Variants in DYM observed in about 807,000 individuals in gnomAD.
The protein encoded by DYM is dymeclin.
In DYM, 78 loss-of-function variants were observed where a neutral mutation model predicts 93.1. The ratio of observed to expected loss-of-function variants is 0.84; its 90% CI spans 0.70 to 1.01. The LOEUF (loss-of-function observed/expected upper bound fraction) is 1.01, where lower values mean the gene tolerates loss of function less well. Ranked by LOEUF, DYM falls within the 50% of genes least tolerant of loss-of-function variation. The pLI, the probability that DYM is intolerant of heterozygous loss-of-function variation, is 0.00. For missense variants in DYM, 789 were observed against 845.0 expected, an observed-to-expected ratio of 0.93 and a Z score of 0.82; for synonymous variants, 321 against 319.7, an observed-to-expected ratio of 1.00 and a Z score of -0.04.
At chr18:49,074,298 G>A (rs961533759) in intron 17 of DYM, among the ~76,000 whole-genome samples, 2 of 152,198 alleles carry the variant, frequency 1.3e-5, no homozygotes, top group South Asian at 2.1e-4. Context: ...TACTTATATG[G>A]CATTTACATT....
At chr18:49,163,338 AATTT>A (rs781668190) in intron 15 of DYM, among the ~76,000 whole-genome samples, 2 of 152,046 alleles carry the variant, frequency 1.3e-5, no homozygotes, top group Non-Finnish European at 2.9e-5. Flanking sequence ...ACAATGAAAT[AATTT>A]ATTTATTTAT....
intron 2 of DYM, among the ~76,000 whole-genome samples, chr18:49,425,989 G>A (rs544179337): frequency 1.3e-4 from 20 of 152,116 alleles, no homozygotes; most frequent in South Asian, 8.3e-4. Flanking sequence ...TCAGTGTGGC[G>A]ATTCCTCAGG....
intron 14 of DYM, among the ~76,000 whole-genome samples, chr18:49,202,146 T>C (rs2092042663): frequency 6.6e-6 from 1 of 152,246 alleles, no homozygotes; most frequent in South Asian, 2.1e-4. Context: ...TGACAAACTT[T>C]TGGCCAAAGG....
intron 1 of DYM, among the ~76,000 whole-genome samples, chr18:49,456,652 T>G (rs1325448200): frequency 6.6e-6 from 1 of 152,166 alleles, no homozygotes; most frequent in Non-Finnish European, 1.5e-5. Flanking sequence ...CTAACCAAAC[T>G]TCCTTAAGAA....
At position 49,189,867 on chromosome 18, in the gene DYM, T is replaced by C. The variant is rs193040355; in HGVS notation, c.1625+19684A>G. Among the ~76,000 whole-genome samples the C allele has an allele frequency of 1.2e-4, 18 of 152,332 alleles. No individual in the cohort carries two copies. In the East Asian group the frequency reaches 3.5e-3, roughly 29 times the overall value. On this transcript the variant is annotated intron_variant, in intron 14 of 17. Transcript: ENST00000675505. ...TGCAATAGTCACATCAACTGTTACA[T>C]AAAATTTGGCAGTCTGCATACCTCT...
intron 15 of DYM, among the ~76,000 whole-genome samples, chr18:49,132,674 A>T (rs1053891365): frequency 6.6e-6 from 1 of 152,182 alleles, no homozygotes; most frequent in Non-Finnish European, 1.5e-5. Flanking sequence ...AAATAAAAAC[A>T]AAAACCGTCA....
At chr18:49,138,742 G>C (rs1042360862) in intron 15 of DYM, among the ~76,000 whole-genome samples, 1 of 152,158 alleles carries the variant, frequency 6.6e-6, no homozygotes, top group Non-Finnish European at 1.5e-5. Context: ...GGGGAGAACT[G>C]AAAATTGTGA....
In DYM at chr18:49,286,431, A is replaced by G. The variant is rs1180954017; in HGVS notation, c.946+3T>C. The G allele has an allele frequency of 6.2e-7, 1 of 1,614,114 alleles. No individual in the cohort carries two copies. Among genetic ancestry groups the G allele is most frequent in the Non-Finnish European group, 8.5e-7 (1 of 1,179,962 alleles). On this transcript the variant is annotated splice_donor_region_variant and intron_variant, in intron 9 of 17. Transcript: ENST00000675505. Reference sequence around the variant, plus strand: ...AGAATATTAGAGAAAAAATACCACAAACCTTGTGTGTTCTTGAAGGACATA... The same window carrying G: ...AGAATATTAGAGAAAAAATACCACAGACCTTGTGTGTTCTTGAAGGACATA...
intron 13 of DYM, among the ~76,000 whole-genome samples, chr18:49,243,098 T>C (rs2094070834): frequency 6.6e-6 from 1 of 152,112 alleles, no homozygotes; most frequent in Admixed American, 6.5e-5. Flanking sequence ...GGAGACCTGC[T>C]CCTCTTCCCA....
In DYM at chr18:49,118,830, C is replaced by T. The variant is rs915423442; in HGVS notation, c.1825G>A (p.Val609Ile). 2.5e-6 allele frequency: 4 copies of T among 1,614,040 alleles called. No individual in the cohort carries two copies. The highest frequency in any genetic ancestry group is 3.4e-6 in the Non-Finnish European group (4 of 1,179,992). The change falls in exon 16 of 18, where the codon GTA (valine) becomes ATA (isoleucine). Residue 609 changes from valine (V) to isoleucine (I), a missense_variant. Physicochemically the swap from Val to Ile is conservative, Grantham distance 29. Transcript: ENST00000675505. Reference protein sequence around the residue: ...TNSLHHNPNLVYALLYKRDLF... With the variant: ...TNSLHHNPNLIYALLYKRDLF... The stretch of plus-strand genomic sequence containing the variant: ...TCGCGTTTGTAAAGCAGGGCGTATA[C>T]CAAGTTTGGGTTGTGGTGAAGGGAA...
chr18:49,183,253 C>G (rs1369564987), intron 14 of DYM, among the ~76,000 whole-genome samples: 1 of 152,060 alleles, frequency 6.6e-6, no homozygotes, highest in East Asian at 1.9e-4. Flanking sequence ...ATTGTAAATG[C>G]CAGTCATTGA....
intron 2 of DYM, among the ~76,000 whole-genome samples, chr18:49,423,271 G>A (rs1457685603): frequency 6.6e-6 from 1 of 152,130 alleles, no homozygotes; most frequent in Admixed American, 6.5e-5. Context: ...CATGGAAACT[G>A]AACAACCTGC....
At chr18:49,050,648 GGAAGC>G (rs2072311369) in intron 17 of DYM, among the ~76,000 whole-genome samples, 1 of 151,914 alleles carries the variant, frequency 6.6e-6, no homozygotes, top group African/African-American at 2.4e-5. Context: ...CAGCCCAGTA[GGAAGC>G]TCAGTGGAAA....
intron 13 of DYM, among the ~76,000 whole-genome samples, chr18:49,218,009 C>G (rs2093160419): frequency 6.6e-6 from 1 of 152,024 alleles, no homozygotes; most frequent in South Asian, 2.1e-4. Context: ...TCAGGAAACC[C>G]ATCTCACGTG....
At chr18:49,182,985 CCA>C (rs962808175) in intron 14 of DYM, among the ~76,000 whole-genome samples, 1 of 152,084 alleles carries the variant, frequency 6.6e-6, no homozygotes, top group African/African-American at 2.4e-5. Flanking sequence ...GAAGAAAACC[CCA>C]CAGTTTTAGA....
intron 13 of DYM, among the ~76,000 whole-genome samples, chr18:49,219,733 A>G (rs76380530): frequency 0.37 from 56,316 of 151,278 alleles, 12,424 homozygotes; most frequent in Middle Eastern, 0.59. Context: ...CTCTCAATAA[A>G]TTAGGTATTG....
intron 13 of DYM, among the ~76,000 whole-genome samples, chr18:49,211,045 G>C (rs1009027715): frequency 6.6e-6 from 1 of 152,174 alleles, no homozygotes; most frequent in African/African-American, 2.4e-5. Context: ...ATGGTAGAGA[G>C]AACACTGAAT....
intron 8 of DYM, among the ~76,000 whole-genome samples, chr18:49,287,742 GGC>G (rs2059754937): frequency 6.6e-6 from 1 of 151,220 alleles, no homozygotes; most frequent in Non-Finnish European, 1.5e-5. Flanking sequence ...CTACTCGGGA[GGC>G]TGAGGCAGGA....
At chr18:49,061,150 A>G (rs1297004832) in intron 17 of DYM, among the ~76,000 whole-genome samples, 7 of 150,426 alleles carry the variant, frequency 4.7e-5, no homozygotes, top group Non-Finnish European at 1.0e-4. Context: ...TACAAAAATA[A>G]CTATCAGACA....
Sources: allele counts gnomAD v4.1 joint callset (sites outside exome capture counted in the v4.1 genomes callset), GRCh38; gene constraint gnomAD v4.1.1; transcripts MANE v1.5; gene names NCBI Gene and HGNC (gene_info 2026-07-23, HGNC 2026-07-21).